The following SLC28A1 variants were observed in gnomAD, a reference collection of about 807,000 sequenced individuals.
SLC28A1 encodes the protein solute carrier family 28 member 1, also known as sodium/nucleoside cotransporter 1.
In SLC28A1, 64 loss-of-function variants were observed where a neutral mutation model predicts 74.8. That is an observed-to-expected ratio of 0.86 (90% CI 0.70 to 1.05). SLC28A1 has a LOEUF of 1.05. SLC28A1 is among the 50% of genes least tolerant of loss of function. The pLI, the probability that SLC28A1 is intolerant of heterozygous loss-of-function variation, is 0.00. For synonymous variants in SLC28A1, 359 were observed against 335.0 expected (o/e 1.07, Z -0.78); for missense variants, 828 against 822.8 (o/e 1.01, Z -0.08).
chr15:84,926,734 C>A (rs1302016780), intron 12 of SLC28A1, among the ~76,000 whole-genome samples: 3 of 150,398 alleles, frequency 2.0e-5, no homozygotes, highest in African/African-American at 7.4e-5. Flanking sequence ...TGGAGATTGA[C>A]CCTGCCCTGC....
At chr15:84,897,259 G>T (rs911625621) in intron 6 of SLC28A1, among the ~76,000 whole-genome samples, 18 of 149,978 alleles carry the variant, frequency 1.2e-4, no homozygotes, top group Non-Finnish European at 2.4e-4. Context: ...GGTGGTACGC[G>T]CCTGTAATTG....
chr15:84,961,616 C>T, the SLC28A1 span: 3 of 401,566 alleles, frequency 7.5e-6, no homozygotes, highest in Non-Finnish European at 1.5e-5. Flanking sequence ...GCTGGGATTA[C>T]AGGTATGAGC....
At chr15:84,952,594 A>G in the SLC28A1 span, among the ~76,000 whole-genome samples, 1 of 152,214 alleles carries the variant, frequency 6.6e-6, no homozygotes, top group East Asian at 1.9e-4. Context: ...TTCCAAGAAA[A>G]CAGAAAAGTC....
chr15:84,909,999 A>G (rs1230661042), intron 9 of SLC28A1, among the ~76,000 whole-genome samples: 1 of 152,216 alleles, frequency 6.6e-6, no homozygotes, highest in Non-Finnish European at 1.5e-5. Context: ...GTTGAGCCAG[A>G]TCATGAGTTC....
chr15:84,886,490 T>A, intron 1 of SLC28A1, 182 bp from the exon 2 acceptor site: 1 of 985,402 alleles, frequency 1.0e-6, no homozygotes, highest in Non-Finnish European at 1.2e-6. Context: ...AGGGCATCTC[T>A]GATGGAGAAG....
At chr15:84,969,420 T>G in the SLC28A1 span, among the ~76,000 whole-genome samples, 2 of 152,292 alleles carry the variant, frequency 1.3e-5, no homozygotes, top group South Asian at 4.1e-4. Context: ...CCCTCTCTGA[T>G]CTTCTGGATC....
At chr15:84,937,804 C>T (rs1000839843) in intron 15 of SLC28A1, among the ~76,000 whole-genome samples, 4 of 152,102 alleles carry the variant, frequency 2.6e-5, no homozygotes, top group African/African-American at 7.2e-5. Flanking sequence ...TGCTGAGGCA[C>T]GAGAATTTCT....
intron 1 of SLC28A1, among the ~76,000 whole-genome samples, chr15:84,885,015 G>A (rs1964418132): frequency 1.3e-5 from 2 of 152,206 alleles, no homozygotes; most frequent in African/African-American, 4.8e-5. Context: ...CTGGAGTGCA[G>A]TGGTGTGATC....
chr15:84,933,532 C>T (rs940391120), intron 13 of SLC28A1, among the ~76,000 whole-genome samples: 5 of 152,026 alleles, frequency 3.3e-5, no homozygotes, highest in East Asian at 3.9e-4. Context: ...AGTCCAAGGT[C>T]GAGGGGTTGT....
intron 12 of SLC28A1, among the ~76,000 whole-genome samples, chr15:84,928,588 T>TCTC (rs1567172414): frequency 2.7e-4 from 5 of 18,568 alleles, no homozygotes; most frequent in South Asian, 2.9e-3. Flanking sequence ...CTTTCTTTCT[T>TCTC]TCTTTCTTTC....
chr15:84,895,759 G>GA (rs1004442437), intron 6 of SLC28A1: 6 of 1,233,224 alleles, frequency 4.9e-6, no homozygotes, highest in East Asian at 4.1e-5. Context: ...TTCGCTGGGG[G>GA]AAAAAAACAG....
the SLC28A1 span, among the ~76,000 whole-genome samples, chr15:84,957,016 G>T: frequency 0.16 from 24,971 of 151,516 alleles, 2,709 homozygotes; most frequent in South Asian, 0.43. Flanking sequence ...TTTTGTTTTT[G>T]TTGCTTAGAT....
At chr15:84,965,908 G>GGGGGGGGGGGGGGGGGGGGC in the SLC28A1 span, among the ~76,000 whole-genome samples, 1 of 148,502 alleles carries the variant, frequency 6.7e-6, no homozygotes, top group African/African-American at 2.6e-5. Flanking sequence ...CGGGGAGGGG[G>GGGGGGGGGGGGGGGGGGGGC]GGGAAATATT....
At chr15:84,965,906 G>GC in the SLC28A1 span, among the ~76,000 whole-genome samples, 4 of 150,382 alleles carry the variant, frequency 2.7e-5, no homozygotes, top group African/African-American at 7.4e-5. Context: ...GGCGGGGAGG[G>GC]GGGGGAAATA....
chr15:84,926,794 G>A (rs546987724), intron 12 of SLC28A1, among the ~76,000 whole-genome samples: 75 of 107,898 alleles, frequency 7.0e-4, no homozygotes, highest in African/African-American at 2.1e-3. Flanking sequence ...TGTGTGGGGG[G>A]TGGGGGGAGG....
intron 8 of SLC28A1, among the ~76,000 whole-genome samples, chr15:84,907,608 G>A (rs950242758): frequency 6.6e-6 from 1 of 152,052 alleles, no homozygotes; most frequent in Non-Finnish European, 1.5e-5. Context: ...TGGAATCAAG[G>A]GAACTTCCCA....
At chr15:84,924,317 G>C (rs1467294287) in intron 12 of SLC28A1, among the ~76,000 whole-genome samples, 1 of 151,986 alleles carries the variant, frequency 6.6e-6, no homozygotes, top group Non-Finnish European at 1.5e-5. Context: ...AAGCTTCCTG[G>C]TGTTCCATTT....
the SLC28A1 span, among the ~76,000 whole-genome samples, chr15:84,973,289 T>A: frequency 1.3e-5 from 2 of 152,188 alleles, no homozygotes; most frequent in Non-Finnish European, 2.9e-5. Flanking sequence ...GCGGGATATT[T>A]TTGGTTGCAA....
In SLC28A1 at chr15:84,890,382, AG is replaced by A. The variant is rs1039961158; in HGVS notation, c.186-59del. ...GGGACATACCTGAGTGGAGGTGCTG[AG>A]GATCTCCCCCAGATGGGGTCTGCTC... On this transcript the variant is annotated intron_variant, in intron 4 of 18. Coordinates refer to ENST00000394573, the MANE Select transcript of SLC28A1 (RefSeq NM_004213.5). The A allele has an allele frequency of 1.8e-5, 22 of 1,232,122 alleles. No homozygotes were observed. The African/African-American group carries it at 3.0e-4, about 17-fold the overall frequency. 76.3% of individuals were successfully genotyped at this position (1,232,122 alleles called of 1,614,324 possible). A position where few individuals can be genotyped will look rare whatever the true frequency, so the allele number is the denominator to read the frequency against.
Sources: allele counts gnomAD v4.1 joint callset (sites outside exome capture counted in the v4.1 genomes callset), GRCh38; gene constraint gnomAD v4.1.1; transcripts MANE v1.5; gene names NCBI Gene and HGNC (gene_info 2026-07-23, HGNC 2026-07-21).